AK9: variants seen among roughly 807,000 people sequenced by gnomAD.
AK9 encodes the protein adenylate kinase 9, also known as adenylate kinase domain containing 1.
A neutral mutation model predicts 239.6 loss-of-function variants in AK9; 191 were observed. The observed-to-expected ratio is 0.80, with a 90% confidence interval of 0.71 to 0.90. The LOEUF is 0.90. Ranked by LOEUF, AK9 falls within the 40% of genes least tolerant of loss-of-function variation. AK9 has a pLI of 0.00. For missense variants in AK9, 1,995 were observed against 2,214.7 expected (o/e 0.90, Z 1.99); for synonymous variants, 689 against 721.0 (o/e 0.96, Z 0.71).
intron 38 of AK9, 146 bp downstream of exon 38, chr6:109,497,319 T>A (rs1777137552): frequency 3.1e-6 from 2 of 642,266 alleles, no homozygotes; most frequent in Admixed American, 2.9e-5. Context: ...CAGGGACCAG[T>A]GCTTGTTCAC....
intron 21 of AK9, among the ~76,000 whole-genome samples, chr6:109,568,948 T>C (rs77442515): frequency 0.58 from 88,299 of 151,824 alleles, 27,355 homozygotes; most frequent in South Asian, 0.84. Flanking sequence ...TCATATGCAA[T>C]GAAAAAAGAG....
At chr6:109,551,863 C>G (rs892926712) in intron 24 of AK9, among the ~76,000 whole-genome samples, 19 of 151,646 alleles carry the variant, frequency 1.3e-4, no homozygotes, top group African/African-American at 4.6e-4. Context: ...ATTGACCCAT[C>G]CTCTACGTTC....
At chr6:109,553,299 G>A (rs1784576235) in intron 24 of AK9, among the ~76,000 whole-genome samples, 2 of 152,132 alleles carry the variant, frequency 1.3e-5, no homozygotes, top group African/African-American at 4.8e-5. Context: ...TGGGTAGTAT[G>A]GCCATTTTCA....
At chr6:109,657,436 A>G (rs9400313) in intron 7 of AK9, among the ~76,000 whole-genome samples, 95,159 of 151,860 alleles carry the variant, frequency 0.63, 30,483 homozygotes, top group South Asian at 0.84. Context: ...GAAGAGTGGT[A>G]GGAGAAGAAG....
intron 27 of AK9, among the ~76,000 whole-genome samples, chr6:109,540,062 G>C (rs138397233): frequency 0.022 from 3,415 of 152,258 alleles, 86 homozygotes; most frequent in East Asian, 0.11. Flanking sequence ...GGACCCACTT[G>C]AGGAGGCAGT....
intron 20 of AK9, among the ~76,000 whole-genome samples, chr6:109,577,904 CTCTTTCTTTCTT>C (rs149858598): frequency 2.2e-5 from 3 of 137,166 alleles, no homozygotes; most frequent in African/African-American, 9.2e-5. Flanking sequence ...CTCTCTTTCT[CTCTTTCTTTCTT>C]TCTTTCTTTT....
Position 109,641,703 on chromosome 6 carries a change from C to T in AK9, c.835-87G>A, listed in dbSNP as rs974988666. Reference sequence around the variant, plus strand: ...CAGTGGTGGGCTTATGAGCCAAGACCATGCTCCCCCTGACTCTGGGTCGAA... The same window carrying T: ...CAGTGGTGGGCTTATGAGCCAAGACTATGCTCCCCCTGACTCTGGGTCGAA... On this transcript the variant is annotated intron_variant, in intron 9 of 40. Transcript: ENST00000424296. 4.8e-5 allele frequency: 51 copies of T among 1,062,324 alleles called. No homozygotes were observed. In the African/African-American group the frequency reaches 7.9e-4, roughly 16 times the overall value. 65.8% of individuals were successfully genotyped at this position (1,062,324 alleles called of 1,614,324 possible). A position where few individuals can be genotyped will look rare whatever the true frequency, so the allele number is the denominator to read the frequency against.
At chr6:109,593,884 T>G (rs985564052) in intron 17 of AK9, among the ~76,000 whole-genome samples, 19 of 152,326 alleles carry the variant, frequency 1.2e-4, no homozygotes, top group African/African-American at 4.6e-4. Flanking sequence ...AAGAGCTATT[T>G]ATGTCAAACC....
chr6:109,545,713 G>T (rs987219674), intron 26 of AK9, among the ~76,000 whole-genome samples, 154 bp downstream of exon 26: 2 of 152,076 alleles, frequency 1.3e-5, no homozygotes, highest in Non-Finnish European at 2.9e-5. Context: ...AAGGCAGGAG[G>T]ATCACCTGAG....
intron 25 of AK9, among the ~76,000 whole-genome samples, chr6:109,548,735 C>G (rs1053888003): frequency 1.3e-5 from 2 of 152,122 alleles, no homozygotes; most frequent in African/African-American, 4.8e-5. Context: ...AACTGTTGCA[C>G]CCAGATCATC....
At chr6:109,671,404 C>T (rs747196797) in intron 5 of AK9, among the ~76,000 whole-genome samples, 50 of 152,206 alleles carry the variant, frequency 3.3e-4, no homozygotes, top group Non-Finnish European at 6.0e-4. Flanking sequence ...AAATTAGATC[C>T]AAAGCCCTTG....
intron 17 of AK9, among the ~76,000 whole-genome samples, chr6:109,587,784 G>C (rs1032613918): frequency 6.6e-6 from 1 of 152,090 alleles, no homozygotes; most frequent in South Asian, 2.1e-4. Flanking sequence ...TGATAAAAAG[G>C]CTTCTTTTCC....
rs1776931895 is a variant in AK9, at chr6:109,495,422, C to T, written c.5334G>A (p.Trp1778Ter). 6.2e-7 allele frequency: 1 copy of T among 1,613,080 alleles called. No homozygotes were observed. Among genetic ancestry groups the T allele is most frequent in the Non-Finnish European group, 8.5e-7 (1 of 1,179,682 alleles). ...GAAGCTTGTGTGGAAGCTTCTGTTC[C>T]CAGTATTTCAGTGGCGACCTAAGAA... ...QKFLRSPLKY[W>*]EQKLPHKLPP... Residue 1778 changes from tryptophan (W) to a stop codon, truncating the protein, a stop_gained, in exon 39 of 41, where the codon TGG becomes TGA. Coordinates refer to ENST00000424296, the MANE Select transcript of AK9 (RefSeq NM_001145128.3). LOFTEE classifies it high-confidence loss of function.
intron 24 of AK9, 106 bp downstream of exon 24, chr6:109,563,491 T>C: frequency 7.0e-7 from 1 of 1,433,478 alleles, no homozygotes; most frequent in Non-Finnish European, 9.2e-7. Context: ...TGTGTGCAAA[T>C]GAGAATGTCT....
At chr6:109,585,603 T>G (rs544098930) in intron 18 of AK9, among the ~76,000 whole-genome samples, 11 of 152,334 alleles carry the variant, frequency 7.2e-5, no homozygotes, top group African/African-American at 2.4e-4. Flanking sequence ...AACTAACATT[T>G]AGTCTTTGCC....
intron 1 of AK9, among the ~76,000 whole-genome samples, chr6:109,680,481 G>A (rs1772454339): frequency 6.6e-6 from 1 of 152,152 alleles, no homozygotes; most frequent in Non-Finnish European, 1.5e-5. Context: ...ACATTTGGTT[G>A]GTGTACCTGA....
chr6:109,624,434 G>T (rs1394382858), intron 12 of AK9, among the ~76,000 whole-genome samples: 1 of 152,106 alleles, frequency 6.6e-6, no homozygotes, highest in Non-Finnish European at 1.5e-5. Context: ...TTTTGTGTGT[G>T]TGACTGAAAA....
chr6:109,671,839 C>T, intron 5 of AK9, 80 bp downstream of exon 5: 1 of 1,302,858 alleles, frequency 7.7e-7, no homozygotes, highest in Admixed American at 2.0e-5. Context: ...AAGGGCAACT[C>T]CAGAAACTAT....
intron 27 of AK9, among the ~76,000 whole-genome samples, chr6:109,541,753 T>C (rs1208398583): frequency 1.3e-5 from 2 of 152,260 alleles, no homozygotes; most frequent in Non-Finnish European, 2.9e-5. Context: ...CTATTTTGTT[T>C]AGGTTTTTAC....
Sources: gnomAD v4.1 joint callset for allele counts (sites outside exome capture counted in the v4.1 genomes callset) on GRCh38, gnomAD v4.1.1 for gene constraint, MANE v1.5 for transcripts, NCBI Gene and HGNC (gene_info 2026-07-23, HGNC 2026-07-21) for gene names.